PSMA1: variants seen among roughly 807,000 people sequenced by gnomAD.
The protein encoded by PSMA1 is proteasome 20S subunit alpha 1.
A neutral mutation model predicts 38.4 loss-of-function variants in PSMA1; 3 were observed. The observed-to-expected ratio is 0.08, with a 90% CI of 0.04 to 0.20. The LOEUF (loss-of-function observed/expected upper bound fraction) is 0.20. Among genes scored for constraint, PSMA1 ranks in the 10% least tolerant of loss-of-function variants. The pLI, the probability that PSMA1 is intolerant of heterozygous loss-of-function variation, is 1.00. For missense variants in PSMA1, 227 were observed against 325.3 expected, an observed-to-expected ratio of 0.70 and a Z score of 2.32; for synonymous variants, 101 against 107.1, an observed-to-expected ratio of 0.94 and a Z score of 0.35.
Position 14,505,044 on chromosome 11 carries a change from T to G in PSMA1, c.*148A>C. The G allele has an allele frequency of 2.8e-6, 2 of 724,574 alleles. No homozygotes were observed. Among genetic ancestry groups the G allele is most frequent in the Non-Finnish European group, 4.9e-6 (2 of 410,400 alleles). The allele number at this position is 724,574 out of a possible 1,614,324, so 44.9% of individuals were successfully genotyped here. ...ATTATATAGGTTTCAGTGAGGTTGCTTGGAAAAAACTCACATCTGGACTGA... is the reference window on the plus strand; with the variant it reads ...ATTATATAGGTTTCAGTGAGGTTGCGTGGAAAAAACTCACATCTGGACTGA... On this transcript the variant is annotated 3_prime_UTR_variant, in exon 10 of 10. Transcript: ENST00000396394.
chr11:14,517,169 A>G (rs1851444271), intron 4 of PSMA1, among the ~76,000 whole-genome samples: 1 of 152,232 alleles, frequency 6.6e-6, no homozygotes, highest in South Asian at 2.1e-4. Flanking sequence ...GAGTTTATAG[A>G]TAAACTTGCC....
chr11:14,566,346 G>A (rs1432905216), intron 2 of PSMA1, among the ~76,000 whole-genome samples: 1 of 152,182 alleles, frequency 6.6e-6, no homozygotes, highest in Non-Finnish European at 1.5e-5. Flanking sequence ...GCAATGAGAA[G>A]TGATTATATT....
intron 2 of PSMA1, among the ~76,000 whole-genome samples, chr11:14,562,604 A>G (rs774380994): frequency 6.6e-5 from 10 of 152,164 alleles, no homozygotes; most frequent in Non-Finnish European, 1.0e-4. Flanking sequence ...TCCTTCGTGA[A>G]TAAATATGCT....
intron 2 of PSMA1, among the ~76,000 whole-genome samples, chr11:14,598,218 T>C (rs1852526909): frequency 6.6e-6 from 1 of 152,214 alleles, no homozygotes; most frequent in South Asian, 2.1e-4. Flanking sequence ...GAAGAATGTA[T>C]ATTCTGTTGA....
At chr11:14,592,759 G>A (rs1852439217) in intron 2 of PSMA1, among the ~76,000 whole-genome samples, 1 of 152,118 alleles carries the variant, frequency 6.6e-6, no homozygotes, top group Non-Finnish European at 1.5e-5. Context: ...TATACAGTAA[G>A]TACTCAATAA....
At chr11:14,583,327 C>T (rs997752733) in intron 2 of PSMA1, among the ~76,000 whole-genome samples, 3 of 152,156 alleles carry the variant, frequency 2.0e-5, no homozygotes, top group Non-Finnish European at 2.9e-5. Context: ...ATTCCATTGA[C>T]GTCAGGCCGT....
chr11:14,593,144 C>G (rs1326943472), intron 2 of PSMA1, among the ~76,000 whole-genome samples: 2 of 152,084 alleles, frequency 1.3e-5, no homozygotes, highest in African/African-American at 4.8e-5. Flanking sequence ...TTAAATAGTA[C>G]CATAGAATTC....
intron 1 of PSMA1, among the ~76,000 whole-genome samples, chr11:14,630,295 G>C (rs1407298567): frequency 6.6e-6 from 1 of 152,188 alleles, no homozygotes; most frequent in Non-Finnish European, 1.5e-5. Context: ...GATATTGGCT[G>C]TGGGTTTCTC....
At chr11:14,518,083 A>T in intron 2 of PSMA1, 102 bp from the exon 3 acceptor site, 2 of 776,400 alleles carry the variant, frequency 2.6e-6, no homozygotes, top group Non-Finnish European at 3.9e-6. Context: ...ATCTCAACTG[A>T]TTTTTTTTTT....
intron 2 of PSMA1, among the ~76,000 whole-genome samples, chr11:14,599,561 G>C (rs1852552713): frequency 6.6e-6 from 1 of 152,150 alleles, no homozygotes; most frequent in African/African-American, 2.4e-5. Context: ...GCATCACGAA[G>C]TTCTCGTACC....
intron 8 of PSMA1, among the ~76,000 whole-genome samples, chr11:14,508,560 T>C (rs1851284906): frequency 2.5e-3 from 1 of 408 alleles, no homozygotes; most frequent in Non-Finnish European, 6.9e-3. Flanking sequence ...CCACTCCATC[T>C]CAAAAAAAAA....
intron 2 of PSMA1, among the ~76,000 whole-genome samples, chr11:14,554,637 T>C (rs893062557): frequency 2.6e-5 from 4 of 152,200 alleles, no homozygotes; most frequent in African/African-American, 9.6e-5. Flanking sequence ...GTGTGATATA[T>C]TTCTCTATTA....
At chr11:14,563,841 A>C (rs1332768554) in intron 2 of PSMA1, among the ~76,000 whole-genome samples, 2 of 152,188 alleles carry the variant, frequency 1.3e-5, no homozygotes, top group African/African-American at 4.8e-5. Context: ...CCTAGTTTCT[A>C]AGTTGTACTT....
intron 1 of PSMA1, among the ~76,000 whole-genome samples, chr11:14,641,691 T>C (rs917508733): frequency 6.6e-6 from 1 of 152,236 alleles, no homozygotes; most frequent in Non-Finnish European, 1.5e-5. Flanking sequence ...GATTTTATTT[T>C]TCAGAAAACA....
At chr11:14,515,168 G>T (rs1210304689) in intron 4 of PSMA1, among the ~76,000 whole-genome samples, 1 of 152,204 alleles carries the variant, frequency 6.6e-6, no homozygotes, top group Non-Finnish European at 1.5e-5. Flanking sequence ...TCATCACATG[G>T]TTGACTACAG....
chr11:14,543,743 G>A (rs781120853), intron 2 of PSMA1, among the ~76,000 whole-genome samples: 1 of 152,114 alleles, frequency 6.6e-6, no homozygotes, highest in Non-Finnish European at 1.5e-5. Context: ...GTGAAACAAT[G>A]TACATCAGGT....
At chr11:14,519,103 A>G in intron 1 of PSMA1, 62 bp from the exon 2 acceptor site, 1 of 1,300,054 alleles carries the variant, frequency 7.7e-7, no homozygotes, top group South Asian at 1.2e-5. Context: ...AACTCTTAAC[A>G]TTCATTAAGA....
At chr11:14,506,373 ATTC>A (rs1851245234) in intron 9 of PSMA1, among the ~76,000 whole-genome samples, 1 of 152,168 alleles carries the variant, frequency 6.6e-6, no homozygotes, top group Non-Finnish European at 1.5e-5. Flanking sequence ...ATTCCACAGC[ATTC>A]TTCCCAACAG....
intron 1 of PSMA1, among the ~76,000 whole-genome samples, chr11:14,616,483 C>T (rs953090128): frequency 3.3e-5 from 5 of 152,004 alleles, no homozygotes; most frequent in East Asian, 1.9e-4. Flanking sequence ...CTGCCTGCCT[C>T]GGCCTTCCAA....
Sources: allele counts gnomAD v4.1 joint callset (sites outside exome capture counted in the v4.1 genomes callset), GRCh38; gene constraint gnomAD v4.1.1; transcripts MANE v1.5; gene names NCBI Gene and HGNC (gene_info 2026-07-23, HGNC 2026-07-21).